Variants in ZBTB21 observed in about 807,000 individuals in gnomAD.
ZBTB21 encodes the protein zinc finger and BTB domain-containing protein 21.
Under a neutral mutation model 39.8 loss-of-function variants are expected in ZBTB21, and 10 were observed. The observed-to-expected ratio is 0.25, with a 90% confidence interval of 0.16 to 0.43. The LOEUF (loss-of-function observed/expected upper bound fraction) is 0.43, where lower values mean the gene tolerates loss of function less well. Among genes scored for constraint, ZBTB21 ranks in the 20% least tolerant of loss-of-function variants. The pLI is 1.00. For missense variants in ZBTB21, 1,221 were observed against 1,296.3 expected, an observed-to-expected ratio of 0.94 and a Z score of 0.89; for synonymous variants, 551 against 498.8, an observed-to-expected ratio of 1.10 and a Z score of -1.40.
rs373668283 is a variant in ZBTB21 at position 41,992,782 on chromosome 21, C to A, written c.1314G>T (p.Ser438=). The A allele has an allele frequency of 1.2e-6, 2 of 1,614,034 alleles. No individual in the cohort carries two copies. The highest frequency in any genetic ancestry group is 1.1e-5 in the South Asian group (1 of 91,074). Residue 438 remains serine, a synonymous_variant, in exon 3 of 3, where the codon TCG becomes TCT. Transcript: ENST00000310826. This position sits in a 1 kb window ranked among gnomAD's most constrained non-coding sequence, Gnocchi z 4.1. ...RIKTEPSSPL[S]DPSDIIRVTV... Reference sequence around the variant, plus strand: ...TGACGCGGATGATGTCCGAGGGGTCCGACAGCGGGCTGCTGGGCTCAGTCT... The same window carrying A: ...TGACGCGGATGATGTCCGAGGGGTCAGACAGCGGGCTGCTGGGCTCAGTCT...
At position 41,991,865 on chromosome 21, in the gene ZBTB21, C is replaced by A; in HGVS notation, c.2231G>T (p.Cys744Phe). 1 of 1,614,190 alleles carries A rather than the reference C, an allele frequency of 6.2e-7. No homozygotes were observed. Among genetic ancestry groups the A allele is most frequent in the Non-Finnish European group, 8.5e-7 (1 of 1,180,054 alleles). The change falls in exon 3 of 3, where the codon TGC becomes TTC. Residue 744 changes from cysteine (C) to phenylalanine (F), a missense_variant. Cys to Phe is a radical substitution (Grantham distance 205, BLOSUM62 -2). Coordinates refer to ENST00000310826, the MANE Select transcript of ZBTB21 (RefSeq NM_001098402.2). This position sits in a 1 kb window ranked among gnomAD's most constrained non-coding sequence, Gnocchi z 4.9. ...GTAAGGGCAGACGGCCGCGTTCCGGCACAGCCGCTCGTGGCTTCCTTGCTC... is the reference window on the plus strand; with the variant it reads ...GTAAGGGCAGACGGCCGCGTTCCGGAACAGCCGCTCGTGGCTTCCTTGCTC... ...LLEQGSHERLCRNAAVCPYCS... is the reference protein window; with the variant it reads ...LLEQGSHERLFRNAAVCPYCS...
At chr21:42,008,618 G>A (rs1485509506) in intron 1 of ZBTB21, among the ~76,000 whole-genome samples, 5 of 148,722 alleles carry the variant, frequency 3.4e-5, no homozygotes, top group Non-Finnish European at 7.4e-5. Context: ...TTTCCATCGA[G>A]AGACCTTCTT....
intron 2 of ZBTB21, among the ~76,000 whole-genome samples, chr21:41,997,928 T>C (rs1485658370): frequency 1.3e-5 from 2 of 151,970 alleles, no homozygotes; most frequent in Non-Finnish European, 2.9e-5. Flanking sequence ...GGCAGATCCC[T>C]CACCTGAGTT....
chr21:42,000,688 A>G (rs2065807061), intron 2 of ZBTB21, among the ~76,000 whole-genome samples: 1 of 152,206 alleles, frequency 6.6e-6, no homozygotes, highest in Non-Finnish European at 1.5e-5. Flanking sequence ...ACTGCTTCAA[A>G]TTTCTTGGAT....
Position 41,993,185 on chromosome 21 carries a change from T to C in ZBTB21, c.911A>G (p.Asp304Gly), listed in dbSNP as rs760392970. The C allele has an allele frequency of 5.6e-6, 9 of 1,613,462 alleles. No individual in the cohort carries two copies. In the African/African-American group the frequency reaches 9.3e-5, roughly 17 times the overall value. ...CTTTGAATAGTACAACAAGTTTCTATCTTCACCTTGACCATTTCCTTTGTT... is the reference window on the plus strand; with the variant it reads ...CTTTGAATAGTACAACAAGTTTCTACCTTCACCTTGACCATTTCCTTTGTT... ...ETNKGNGQGE[D>G]RNLLYYSKLG... The change falls in exon 3 of 3, where the codon GAT becomes GGT. Residue 304 changes from aspartate to glycine, a missense_variant. Transcript: ENST00000310826.
chr21:42,000,892 T>G (rs1224691197), intron 2 of ZBTB21, among the ~76,000 whole-genome samples: 2 of 152,230 alleles, frequency 1.3e-5, no homozygotes, highest in African/African-American at 4.8e-5. Flanking sequence ...TCCAAATTCC[T>G]GATACACAAG....
chr21:42,001,597 A>G (rs2065818576), intron 2 of ZBTB21, among the ~76,000 whole-genome samples: 1 of 152,222 alleles, frequency 6.6e-6, no homozygotes, highest in Non-Finnish European at 1.5e-5. Context: ...TTCTACGAAG[A>G]AAGTTTTATA....
At position 41,993,615 on chromosome 21, in the gene ZBTB21, T is replaced by C. The variant is rs771941611; in HGVS notation, c.481A>G (p.Lys161Glu). 1 of 1,614,146 alleles carries C rather than the reference T, an allele frequency of 6.2e-7. No homozygotes were observed. The highest frequency in any genetic ancestry group is 1.3e-5 in the African/African-American group (1 of 74,948). The part of the protein sequence containing the change: ...VCQSRNEAQG[K>E]TVSQNQPDVS... ...TCGGGTTGATTTTGACTAACAGTTTTTCCTTGCGCTTCGTTTCTACTTTGA... is the reference window on the plus strand; with the variant it reads ...TCGGGTTGATTTTGACTAACAGTTTCTCCTTGCGCTTCGTTTCTACTTTGA... The change falls in exon 3 of 3, where the codon AAA (lysine) becomes GAA (glutamate). Residue 161 changes from lysine to glutamate, a missense_variant. Physicochemically the swap from Lys to Glu is moderately conservative, Grantham distance 56 (BLOSUM62 1). Transcript: ENST00000310826.
intron 2 of ZBTB21, among the ~76,000 whole-genome samples, chr21:41,998,455 T>G (rs1246671453): frequency 6.6e-6 from 1 of 152,156 alleles, no homozygotes; most frequent in Non-Finnish European, 1.5e-5. Flanking sequence ...CCTCCCAAAG[T>G]GCTGGGATTA....
At chr21:41,999,882 T>C (rs548104567) in intron 2 of ZBTB21, among the ~76,000 whole-genome samples, 27 of 152,344 alleles carry the variant, frequency 1.8e-4, no homozygotes, top group African/African-American at 5.3e-4. Flanking sequence ...TTTTTTACTA[T>C]GGATGAAATG....
chr21:41,997,605 AC>A (rs1249075802), intron 2 of ZBTB21, among the ~76,000 whole-genome samples: 9 of 139,126 alleles, frequency 6.5e-5, no homozygotes, highest in South Asian at 2.5e-4. Flanking sequence ...AAACAAAAAA[AC>A]AAAAAAAAGA....
At position 41,991,123 on chromosome 21, in the gene ZBTB21, T is replaced by C; in HGVS notation, c.2973A>G (p.Pro991=). The C allele has an allele frequency of 6.2e-7, 1 of 1,613,444 alleles. No individual in the cohort carries two copies. The highest frequency in any genetic ancestry group is 1.1e-5 in the South Asian group (1 of 90,952). The change falls in exon 3 of 3, where the codon CCA becomes CCG. Residue 991 remains proline, a synonymous_variant. Transcript: ENST00000310826. This position sits in a 1 kb window ranked among gnomAD's most constrained non-coding sequence, Gnocchi z 4.9. ...SPSPPPLPPP[P]PLPKIQPLEP... The stretch of plus-strand genomic sequence containing the variant: ...CCAGAGGCTGGATCTTGGGCAGTGG[T>C]GGTGGCGGTGGCAGAGGTGGTGGAG...
chr21:41,997,483 T>C (rs1177993592), intron 2 of ZBTB21, among the ~76,000 whole-genome samples: 1 of 150,156 alleles, frequency 6.7e-6, no homozygotes, highest in Admixed American at 6.7e-5. Context: ...GGCTGAAGCA[T>C]GACAATCACT....
At chr21:42,008,540 CAAAAAAA>C (rs68176203) in intron 1 of ZBTB21, among the ~76,000 whole-genome samples, 304 of 60,336 alleles carry the variant, frequency 5.0e-3, no homozygotes, top group South Asian at 0.015. Context: ...GAAACTCTGT[CAAAAAAA>C]AAAAAAAAAA....
At chr21:42,002,467 C>T (rs2065829640) in intron 2 of ZBTB21, 1 of 152,082 alleles carries the variant, frequency 6.6e-6, no homozygotes, top group Middle Eastern at 3.2e-3. Flanking sequence ...CTGTGTACAC[C>T]GAATCCTCAA....
At chr21:42,009,545 G>A (rs1394315503) in intron 1 of ZBTB21, 1 of 152,324 alleles carries the variant, frequency 6.6e-6, no homozygotes, top group Non-Finnish European at 1.5e-5. Flanking sequence ...CCGGCGGAGG[G>A]TGCTATGCTC....
rs2065677246 is a variant in ZBTB21 at position 41,992,546 on chromosome 21, G to C, written c.1550C>G (p.Pro517Arg). The change falls in exon 3 of 3, where the codon CCT (proline) becomes CGT (arginine). Residue 517 changes from proline to arginine, a missense_variant. Pro to Arg is a moderately radical substitution (Grantham distance 103, BLOSUM62 -2). Coordinates refer to ENST00000310826, the MANE Select transcript of ZBTB21 (RefSeq NM_001098402.2). This position sits in a 1 kb window ranked among gnomAD's most constrained non-coding sequence, Gnocchi z 4.1. ...TGGAAAATCTGCATCAAGGAGAGTA[G>C]GGCTTGAGCCTTCCTCAAAATTATC... ...SEDNFEEGSS[P>R]TLLDADFPDS... 1 of 1,614,074 alleles carries C rather than the reference G, an allele frequency of 6.2e-7. No individual in the cohort carries two copies. The highest frequency in any genetic ancestry group is 8.5e-7 in the Non-Finnish European group (1 of 1,180,052).
intron 1 of ZBTB21, chr21:42,007,734 G>A (rs1206329070): frequency 1.3e-5 from 2 of 152,188 alleles, no homozygotes; most frequent in African/African-American, 2.4e-5. Flanking sequence ...ACGTATCCCT[G>A]ATGCCCAGCA....
rs948139279 is a variant in ZBTB21, at chr21:42,002,182, T to C, written c.-14+715A>G. ...ATAGGAGACAGGGGTAGCTAGGAGA[T>C]GCAGATCCCTCACCTTCACATTAAG... On this transcript the variant is annotated intron_variant, in intron 2 of 2. Coordinates refer to ENST00000310826, the MANE Select transcript of ZBTB21 (RefSeq NM_001098402.2). Among the ~76,000 whole-genome samples, 3 of 152,230 alleles carry C rather than the reference T, an allele frequency of 2.0e-5. No individual in the cohort carries two copies. In the East Asian group the frequency reaches 5.8e-4, roughly 29 times the overall value.
Sources: allele counts gnomAD v4.1 joint callset (sites outside exome capture counted in the v4.1 genomes callset), GRCh38; gene constraint gnomAD v4.1.1; non-coding constraint Gnocchi (gnomAD v3.1); transcripts MANE v1.5; gene names NCBI Gene and HGNC (gene_info 2026-07-23, HGNC 2026-07-21).